The following CCDC172 variants were observed in gnomAD, a reference collection of about 807,000 sequenced individuals.
The protein encoded by CCDC172 is coiled-coil domain containing 172.
CCDC172 carries 30 observed loss-of-function variants against 38.0 expected under a neutral mutation model. The observed-to-expected ratio is 0.79, with a 90% CI of 0.59 to 1.07. CCDC172 has a LOEUF of 1.07. Ranked by LOEUF, CCDC172 falls within the 50% of genes least tolerant of loss-of-function variation. The pLI is 0.00. For missense variants in CCDC172, 297 were observed against 290.1 expected (o/e 1.02, Z -0.17); for synonymous variants, 78 against 88.3 (o/e 0.88, Z 0.66).
At position 116,379,381 on chromosome 10, in the gene CCDC172, T is replaced by C; in HGVS notation, c.*23T>C. ...TAACTTACAGAGAATTGATCAGCCA[T>C]CTGAGATTTGATCAGAATATCTGAG... is the stretch of plus-strand genomic sequence containing the variant. On this transcript the variant is annotated 3_prime_UTR_variant, in exon 9 of 9. Coordinates refer to ENST00000333254, the MANE Select transcript of CCDC172 (RefSeq NM_198515.3). 6.5e-7 allele frequency: 1 copy of C among 1,544,296 alleles called. No homozygotes were observed. Among genetic ancestry groups the C allele is most frequent in the Non-Finnish European group, 8.8e-7 (1 of 1,136,138 alleles).
At chr10:116,348,783 T>G (rs1844897178) in intron 5 of CCDC172, among the ~76,000 whole-genome samples, 1 of 152,136 alleles carries the variant, frequency 6.6e-6, no homozygotes, top group Non-Finnish European at 1.5e-5. Context: ...CATGCTGCCC[T>G]CTTTTGTGTT....
intron 8 of CCDC172, among the ~76,000 whole-genome samples, chr10:116,378,805 G>A (rs548385665): frequency 1.3e-5 from 2 of 152,218 alleles, no homozygotes; most frequent in African/African-American, 4.8e-5. Flanking sequence ...GACTGAAACT[G>A]TTATTAGAGG....
intron 5 of CCDC172, among the ~76,000 whole-genome samples, chr10:116,348,700 G>A (rs1844895966): frequency 6.6e-6 from 1 of 152,026 alleles, no homozygotes; most frequent in South Asian, 2.1e-4. Context: ...TTTCCAACCT[G>A]TTTTGCCATC....
intron 4 of CCDC172, among the ~76,000 whole-genome samples, chr10:116,341,537 A>G (rs757533877): frequency 1.3e-5 from 2 of 152,084 alleles, no homozygotes; most frequent in African/African-American, 2.4e-5. Context: ...AATGTAAACT[A>G]TTATTTAAAA....
At chr10:116,328,243 T>C (rs1844614439) in intron 3 of CCDC172, among the ~76,000 whole-genome samples, 1 of 152,124 alleles carries the variant, frequency 6.6e-6, no homozygotes. Context: ...TCAGGTTATA[T>C]AGTATGAGTA....
Position 116,329,119 on chromosome 10 carries a change from A to G in CCDC172, c.165+3731A>G, listed in dbSNP as rs1844625538. 2.0e-5 allele frequency among the ~76,000 whole-genome samples: 3 copies of G among 152,170 alleles called. No individual in the cohort carries two copies. The South Asian group carries it at 6.2e-4, about 32-fold the overall frequency. On this transcript the variant is annotated intron_variant, in intron 3 of 8. Coordinates refer to ENST00000333254, the MANE Select transcript of CCDC172 (RefSeq NM_198515.3). ...TATATAAACCTAACTGTAAACTCAA[A>G]ATTTTTGAAGTTCTCATTTAAAGAA... is the stretch of plus-strand genomic sequence containing the variant.
intron 7 of CCDC172, among the ~76,000 whole-genome samples, chr10:116,361,607 A>G (rs1195132985): frequency 6.6e-6 from 1 of 152,192 alleles, no homozygotes; most frequent in African/African-American, 2.4e-5. Flanking sequence ...AAATGAAAAG[A>G]AAAAAAGGTA....
At chr10:116,358,045 A>G in intron 7 of CCDC172, 107 bp downstream of exon 7, 3 of 646,522 alleles carry the variant, frequency 4.6e-6, no homozygotes, top group Non-Finnish European at 8.2e-6. Flanking sequence ...GTTCCAGATG[A>G]GGACATTATT....
At chr10:116,327,230 A>G (rs1480376292) in intron 3 of CCDC172, among the ~76,000 whole-genome samples, 1 of 152,156 alleles carries the variant, frequency 6.6e-6, no homozygotes, top group Non-Finnish European at 1.5e-5. Context: ...ACCATAATGA[A>G]AGTAACAATT....
At chr10:116,342,628 G>C (rs928637841) in intron 5 of CCDC172, among the ~76,000 whole-genome samples, 9 of 152,088 alleles carry the variant, frequency 5.9e-5, no homozygotes, top group Admixed American at 5.9e-4. Context: ...TTTATTTCAG[G>C]AACACTAGTG....
intron 4 of CCDC172, 82 bp from the exon 5 acceptor site, chr10:116,341,954 C>G: frequency 2.1e-6 from 2 of 950,088 alleles, no homozygotes; most frequent in Non-Finnish European, 2.8e-6. Flanking sequence ...TTAATAATTC[C>G]AAATTATTAT....
chr10:116,371,904 G>A (rs1241888565), intron 7 of CCDC172, among the ~76,000 whole-genome samples: 33 of 151,802 alleles, frequency 2.2e-4, no homozygotes, highest in Admixed American at 2.2e-3. Context: ...CCATACAGAA[G>A]CCATTACTTT....
chr10:116,367,739 T>G (rs2134964283), intron 7 of CCDC172, among the ~76,000 whole-genome samples: 1 of 152,282 alleles, frequency 6.6e-6, no homozygotes, highest in South Asian at 2.1e-4. Context: ...CAGTCTATAT[T>G]AATATTTCCC....
rs762316761 is a variant in CCDC172, at chr10:116,325,018, T to C, written c.7T>C (p.Leu3=). The C allele has an allele frequency of 1.2e-6, 2 of 1,614,022 alleles. No individual in the cohort carries two copies. Among genetic ancestry groups the C allele is most frequent in the Non-Finnish European group, 1.7e-6 (2 of 1,179,932 alleles). MS[L]ESLFQHIIFT... ...GCAGGAGCCAGGCCCTGAGATGAGC[T>C]TGGAGTCCCTGTTTCAGCACATCAT... The change falls in exon 2 of 9, where the codon TTG becomes CTG. Residue 3 remains leucine (L), a synonymous_variant. Coordinates refer to ENST00000333254, the MANE Select transcript of CCDC172 (RefSeq NM_198515.3).
At chr10:116,373,558 G>T (rs1294096466) in intron 7 of CCDC172, among the ~76,000 whole-genome samples, 1 of 152,202 alleles carries the variant, frequency 6.6e-6, no homozygotes, top group Non-Finnish European at 1.5e-5. Context: ...AGACTGGAGT[G>T]CAGTGGCACA....
chr10:116,356,871 G>A (rs1265641575), intron 5 of CCDC172, among the ~76,000 whole-genome samples: 2 of 152,034 alleles, frequency 1.3e-5, no homozygotes, highest in Non-Finnish European at 2.9e-5. Context: ...CTTTTGGTAG[G>A]CTAACCATCT....
chr10:116,336,596 T>C (rs1332824632), intron 3 of CCDC172, among the ~76,000 whole-genome samples: 1 of 152,118 alleles, frequency 6.6e-6, no homozygotes, highest in Non-Finnish European at 1.5e-5. Context: ...GTATTTAGAA[T>C]GTCTTTTATC....
intron 3 of CCDC172, among the ~76,000 whole-genome samples, chr10:116,336,456 T>A (rs2134913789): frequency 6.6e-6 from 1 of 151,624 alleles, no homozygotes; most frequent in Non-Finnish European, 1.5e-5. Context: ...GCTAACTATA[T>A]TAGGATTATT....
rs1297845702 is a variant in CCDC172, at chr10:116,351,199, A to G, written c.449-6181A>G. 2.0e-5 allele frequency among the ~76,000 whole-genome samples: 3 copies of G among 152,156 alleles called. No homozygotes were observed. In the East Asian group the frequency reaches 5.8e-4, roughly 29 times the overall value. The stretch of plus-strand genomic sequence containing the variant: ...TGTCTGATAAATCAATTAATAATGA[A>G]TAAAATATTGTATCTTTTTTAATCT... On this transcript the variant is annotated intron_variant, in intron 5 of 8. Coordinates refer to ENST00000333254, the MANE Select transcript of CCDC172 (RefSeq NM_198515.3).
Sources: allele counts gnomAD v4.1 joint callset (sites outside exome capture counted in the v4.1 genomes callset), GRCh38; gene constraint gnomAD v4.1.1; transcripts MANE v1.5; gene names NCBI Gene and HGNC (gene_info 2026-07-23, HGNC 2026-07-21).